RYR3: variants seen among roughly 807,000 people sequenced by gnomAD.
RYR3 encodes the protein brain ryanodine receptor-calcium release channel.
RYR3 carries 207 observed loss-of-function variants against 584.3 expected under a neutral mutation model. That is an observed-to-expected ratio of 0.35 (90% CI 0.32 to 0.40). The LOEUF (loss-of-function observed/expected upper bound fraction) is 0.40. Ranked by LOEUF, RYR3 falls within the 10% of genes least tolerant of loss-of-function variation. RYR3 has a pLI of 1.00. For synonymous variants in RYR3, 2,416 were observed against 2,248.5 expected (o/e 1.07, Z -2.11); for missense variants, 5,616 against 6,089.2 (o/e 0.92, Z 2.59).
intron 65 of RYR3, among the ~76,000 whole-genome samples, chr15:33,781,859 A>AAG (rs1491213187): frequency 3.2e-5 from 4 of 126,760 alleles, no homozygotes; most frequent in Admixed American, 8.1e-5. Flanking sequence ...AAAAAAAAAA[A>AAG]GGGGGGGGGG....
chr15:33,849,679 T>C (rs1028349997), intron 94 of RYR3: 9 of 152,222 alleles, frequency 5.9e-5, no homozygotes, highest in African/African-American at 2.2e-4. Flanking sequence ...GTTGAAACTC[T>C]TAGGTGTGCC....
chr15:33,459,783 A>G (rs1172414012), intron 1 of RYR3, among the ~76,000 whole-genome samples: 1 of 152,192 alleles, frequency 6.6e-6, no homozygotes, highest in Non-Finnish European at 1.5e-5. Context: ...TGTATACTAT[A>G]TAACTCTCCT....
At chr15:33,492,617 GC>G (rs1456151719) in intron 2 of RYR3, among the ~76,000 whole-genome samples, 5 of 152,312 alleles carry the variant, frequency 3.3e-5, no homozygotes, top group South Asian at 2.1e-4. Flanking sequence ...ATTGCCCTGA[GC>G]TTTGTGTTCA....
In RYR3 at chr15:33,854,908, A is replaced by C. The variant is rs1262104945; in HGVS notation, c.14003A>C (p.Lys4668Thr). Residue 4668 changes from lysine (K) to threonine (T), a missense_variant, in exon 98 of 104, where the codon AAA becomes ACA. Around this residue, in one of 9 missense-constraint regions of RYR3, gnomAD observed 918 missense variants for 887.4 expected, o/e 1.03. Transcript: ENST00000634891. ...TILSSVTHNG[K>T]QLVLTVGLLA... The stretch of plus-strand genomic sequence containing the variant: ...CTGTCATCTGTAACTCACAATGGCA[A>C]ACAGGTATGGTTTCTACTGATGCAG... 2 of 1,609,882 alleles carry C rather than the reference A, an allele frequency of 1.2e-6. No homozygotes were observed. Among genetic ancestry groups the C allele is most frequent in the Non-Finnish European group, 1.7e-6 (2 of 1,178,404 alleles).
intron 22 of RYR3, among the ~76,000 whole-genome samples, chr15:33,630,272 G>C (rs1329354729): frequency 6.6e-6 from 1 of 152,138 alleles, no homozygotes; most frequent in African/African-American, 2.4e-5. Context: ...GAAAAAGTAA[G>C]AGGCAGAAAA....
At chr15:33,525,861 A>G (rs2054346374) in intron 3 of RYR3, among the ~76,000 whole-genome samples, 1 of 152,250 alleles carries the variant, frequency 6.6e-6, no homozygotes, top group South Asian at 2.1e-4. Flanking sequence ...GTGAGCTTCC[A>G]GAAAGACTTC....
intron 38 of RYR3, among the ~76,000 whole-genome samples, chr15:33,682,636 C>T (rs2064709490): frequency 1.3e-5 from 2 of 152,182 alleles, no homozygotes; most frequent in Admixed American, 6.5e-5. Flanking sequence ...ACATTCTGTT[C>T]AAGAGCATTT....
In RYR3 at chr15:33,838,859, G is replaced by A; in HGVS notation, c.12879G>A (p.Lys4293=). 6.2e-7 allele frequency: 1 copy of A among 1,613,986 alleles called. No homozygotes were observed. The highest frequency in any genetic ancestry group is 1.7e-5 in the Admixed American group (1 of 60,024). The stretch of plus-strand genomic sequence containing the variant: ...ACCCAAAGAAAGAGGGCAGCTTAAA[G>A]CATGGGCCTGAAGTGGGTTTGGGTG... ...GLHPKKEGSL[K]HGPEVGLGDL... The change falls in exon 89 of 104, where the codon AAG becomes AAA. Residue 4293 remains lysine (K), a synonymous_variant. Transcript: ENST00000634891.
At position 33,780,384 on chromosome 15, in the gene RYR3, TGAGAG is replaced by T. The variant is rs778403335; in HGVS notation, c.9268+52_9268+56del. ...AAGGTCATCAACCCATTTCATGTGCTGAGAGGAGAGGAGCCACACAGGCAGGGAGC... is the reference window on the plus strand; with the variant it reads ...AAGGTCATCAACCCATTTCATGTGCTGAGAGGAGCCACACAGGCAGGGAGC... On this transcript the variant is annotated intron_variant, in intron 65 of 103. Transcript: ENST00000634891. 3.3e-5 allele frequency: 53 copies of T among 1,603,672 alleles called. No individual in the cohort carries two copies. In the South Asian group the frequency reaches 5.3e-4, roughly 16 times the overall value.
At chr15:33,583,398 G>T (rs1180924721) in intron 14 of RYR3, among the ~76,000 whole-genome samples, 1 of 152,110 alleles carries the variant, frequency 6.6e-6, no homozygotes, top group Admixed American at 6.6e-5. Flanking sequence ...GCAAGAAGTT[G>T]AGTTCTTAAG....
chr15:33,699,456 A>G (rs2066132765), intron 40 of RYR3, among the ~76,000 whole-genome samples: 1 of 152,132 alleles, frequency 6.6e-6, no homozygotes, highest in Non-Finnish European at 1.5e-5. Context: ...ATAGCCTGGT[A>G]GAAGGTCATG....
intron 38 of RYR3, among the ~76,000 whole-genome samples, chr15:33,687,811 G>T (rs1284123208): frequency 6.6e-6 from 1 of 152,208 alleles, no homozygotes; most frequent in Non-Finnish European, 1.5e-5. Context: ...AGGAAATGGG[G>T]AAAGGATTCC....
chr15:33,579,526 A>T (rs8040446), intron 12 of RYR3, among the ~76,000 whole-genome samples: 26,480 of 151,462 alleles, frequency 0.17, 3,940 homozygotes, highest in African/African-American at 0.41. Flanking sequence ...TTTTTATTTT[A>T]AAAAAAAATG....
intron 18 of RYR3, among the ~76,000 whole-genome samples, chr15:33,610,457 A>AT (rs1429723058): frequency 2.0e-5 from 3 of 152,086 alleles, no homozygotes; most frequent in East Asian, 1.9e-4. Context: ...TCTGTCTTTG[A>AT]TCCCCAGTCC....
intron 43 of RYR3, among the ~76,000 whole-genome samples, chr15:33,712,994 T>G (rs2067229501): frequency 1.3e-5 from 2 of 152,300 alleles, no homozygotes; most frequent in South Asian, 4.1e-4. Context: ...TTCATGATCT[T>G]TACGAGAGTG....
intron 42 of RYR3, among the ~76,000 whole-genome samples, chr15:33,701,380 G>C (rs906067293): frequency 2.6e-5 from 4 of 152,124 alleles, no homozygotes; most frequent in African/African-American, 4.8e-5. Context: ...TCCTAATAAA[G>C]TTCTGCGTAA....
chr15:33,804,845 A>C (rs1051670416), intron 69 of RYR3, among the ~76,000 whole-genome samples: 3 of 152,174 alleles, frequency 2.0e-5, no homozygotes, highest in Non-Finnish European at 4.4e-5. Flanking sequence ...TGTAAAAATG[A>C]AGTTAGCCTC....
rs561616146 is a variant in RYR3 at position 33,861,896 on chromosome 15, T to A, written c.14465+718T>A. ...TGCCTCGGCCTCTCAGTGCTAGGAT[T>A]ACAGGTGTGAGCCACTGTGCCCAGC... is the stretch of plus-strand genomic sequence containing the variant. On this transcript the variant is annotated intron_variant, in intron 102 of 103. Transcript: ENST00000634891. 3.9e-5 allele frequency among the ~76,000 whole-genome samples: 6 copies of A among 152,254 alleles called. No homozygotes were observed. In the East Asian group the frequency reaches 9.7e-4, roughly 24 times the overall value.
intron 60 of RYR3, among the ~76,000 whole-genome samples, chr15:33,765,049 A>AAAAAAAAAAAAAAAAAAC: frequency 6.6e-6 from 1 of 151,352 alleles, no homozygotes; most frequent in Non-Finnish European, 1.5e-5. Flanking sequence ...AAAAAAAAAA[A>AAAAAAAAAAAAAAAAAAC]AGACATCATA....
Sources: allele counts gnomAD v4.1 joint callset (sites outside exome capture counted in the v4.1 genomes callset), GRCh38; gene constraint gnomAD v4.1.1; regional missense constraint gnomAD v4.1.1; transcripts MANE v1.5; gene names NCBI Gene and HGNC (gene_info 2026-07-23, HGNC 2026-07-21).